DNAJA3: variants seen among roughly 807,000 people sequenced by gnomAD.
The protein encoded by DNAJA3 is dnaJ homolog subfamily A member 3, mitochondrial.
DNAJA3 carries 29 observed loss-of-function variants against 54.9 expected under a neutral mutation model. The ratio of observed to expected loss-of-function variants is 0.53; its 90% CI spans 0.39 to 0.72. The LOEUF is 0.72. Among genes scored for constraint, DNAJA3 ranks in the 30% least tolerant of loss-of-function variants. The pLI, the probability that DNAJA3 is intolerant of heterozygous loss-of-function variation, is 0.00. For missense variants in DNAJA3, 708 were observed against 639.4 expected, an observed-to-expected ratio of 1.11 and a Z score of -1.16; for synonymous variants, 302 against 251.4, an observed-to-expected ratio of 1.20 and a Z score of -1.90.
In DNAJA3 at chr16:4,455,754, A is replaced by T; in HGVS notation, c.*222A>T. 1.5e-6 allele frequency: 1 copy of T among 649,790 alleles called. No homozygotes were observed. The highest frequency in any genetic ancestry group is 1.9e-5 in the South Asian group (1 of 52,662). The allele number at this position is 649,790 out of a possible 1,614,324, so 40.3% of individuals were successfully genotyped here. A position where few individuals can be genotyped will look rare whatever the true frequency, so the allele number is the denominator to read the frequency against. ...CCCGGGCAGTAGGATGCAGCCCCAG[A>T]GGCTGGTGGCAGTTTCCTGTCCATT... On this transcript the variant is annotated 3_prime_UTR_variant, in exon 12 of 12. Coordinates refer to ENST00000262375, the MANE Select transcript of DNAJA3 (RefSeq NM_005147.6).
intron 3 of DNAJA3, 102 bp downstream of exon 3, chr16:4,437,587 T>G: frequency 3.3e-6 from 3 of 895,920 alleles, no homozygotes; most frequent in South Asian, 1.5e-5. Context: ...TACAGTCCAG[T>G]GTGAAGGCCA....
chr16:4,444,871 T>C, intron 7 of DNAJA3, 143 bp downstream of exon 7: 1 of 708,572 alleles, frequency 1.4e-6, no homozygotes, highest in South Asian at 1.9e-5. Flanking sequence ...GCCACCTAGA[T>C]GTGGTTTTTA....
intron 8 of DNAJA3, 162 bp downstream of exon 8, chr16:4,447,176 G>T: frequency 1.3e-6 from 1 of 769,962 alleles, no homozygotes; most frequent in Non-Finnish European, 2.0e-6. Flanking sequence ...CTTGAGTGTG[G>T]ACCACAAGCC....
chr16:4,455,175 G>C (rs1054970591), intron 11 of DNAJA3, among the ~76,000 whole-genome samples: 4 of 152,210 alleles, frequency 2.6e-5, no homozygotes, highest in African/African-American at 9.6e-5. Flanking sequence ...TCTTCTTCCT[G>C]GGGAGGTGGC....
Position 4,441,408 on chromosome 16 carries a change from G to A in DNAJA3, c.463G>A (p.Asp155Asn). The change falls in exon 4 of 12, where the codon GAT becomes AAT. Residue 155 changes from aspartate (D) to asparagine (N), a missense_variant. Coordinates refer to ENST00000262375, the MANE Select transcript of DNAJA3 (RefSeq NM_005147.6). Reference protein sequence around the residue: ...LSDEVKRKQYDAYGSAGFDPG... With the variant: ...LSDEVKRKQYNAYGSAGFDPG... ...TGATGAGGTGAAGAGGAAGCAGTAC[G>A]ATGCCTACGGCTCTGCAGGCTTCGA... 3.7e-6 allele frequency: 6 copies of A among 1,613,986 alleles called. No homozygotes were observed. The highest frequency in any genetic ancestry group is 4.2e-6 in the Non-Finnish European group (5 of 1,180,014).
intron 7 of DNAJA3, 91 bp downstream of exon 7, chr16:4,444,819 C>G: frequency 8.5e-7 from 1 of 1,182,048 alleles, no homozygotes. Flanking sequence ...CAAAGCTTCA[C>G]AGGAACATGT....
chr16:4,426,574 T>A (rs2056626223), intron 1 of DNAJA3, among the ~76,000 whole-genome samples: 1 of 152,232 alleles, frequency 6.6e-6, no homozygotes, highest in Non-Finnish European at 1.5e-5. Flanking sequence ...CTAGAAGAGT[T>A]GTCTCAAACC....
At chr16:4,446,836 T>G in intron 7 of DNAJA3, 50 bp from the exon 8 acceptor site, 3 of 1,604,212 alleles carry the variant, frequency 1.9e-6, no homozygotes, top group South Asian at 1.1e-5. Context: ...AGCTGGTGTT[T>G]AGTCTGCAGT....
chr16:4,443,540 C>T (rs2056864082), intron 6 of DNAJA3, among the ~76,000 whole-genome samples: 1 of 152,092 alleles, frequency 6.6e-6, no homozygotes, highest in African/African-American at 2.4e-5. Context: ...CTACATCAGC[C>T]CCACGGATCC....
chr16:4,443,242 G>T, intron 6 of DNAJA3, 78 bp downstream of exon 6: 1 of 1,564,794 alleles, frequency 6.4e-7, no homozygotes, highest in Non-Finnish European at 8.7e-7. Context: ...TGTGGAGAGG[G>T]TGGACAGGGC....
chr16:4,445,429 GTAT>G (rs544713428), intron 7 of DNAJA3, among the ~76,000 whole-genome samples: 28 of 152,352 alleles, frequency 1.8e-4, no homozygotes, highest in African/African-American at 6.7e-4. Flanking sequence ...ATGGCATTAT[GTAT>G]TATTTAGGGA....
intron 4 of DNAJA3, 110 bp downstream of exon 4, chr16:4,441,685 G>C (rs2056838780): frequency 8.4e-6 from 9 of 1,066,550 alleles, no homozygotes; most frequent in Non-Finnish European, 1.2e-5. Context: ...TAAATGGAGT[G>C]ATCTGGAGGC....
intron 8 of DNAJA3, 141 bp downstream of exon 8, chr16:4,447,155 T>C: frequency 2.0e-6 from 2 of 985,430 alleles, no homozygotes; most frequent in Non-Finnish European, 2.9e-6. Context: ...ATGAGGAATT[T>C]TAGGCTGCTC....
chr16:4,443,750 G>A (rs540548380), intron 6 of DNAJA3, among the ~76,000 whole-genome samples: 2 of 151,368 alleles, frequency 1.3e-5, no homozygotes, highest in Admixed American at 6.6e-5. Flanking sequence ...GCAGTGGCCC[G>A]ATCTCGGCCC....
At chr16:4,447,354 A>T (rs146918866) in intron 8 of DNAJA3, 3 of 236,658 alleles carry the variant, frequency 1.3e-5, no homozygotes, top group African/African-American at 4.5e-5. Context: ...AGAGCAGAAG[A>T]CTCGGGCGGT....
intron 2 of DNAJA3, among the ~76,000 whole-genome samples, chr16:4,436,943 A>C (rs1001777674): frequency 1.3e-5 from 2 of 152,118 alleles, no homozygotes; most frequent in African/African-American, 4.8e-5. Context: ...TCAAGTTAAG[A>C]GATGGATACA....
In DNAJA3 at chr16:4,446,994, T is replaced by TA; in HGVS notation, c.1106dup (p.Tyr369Ter). ...GGGTACAGCCAGAGCCCAGGGCCTG[T>TA]ACGAGACGATCAACGTGACGGTAAG... ...LGGTARAQGL[Y>*]ETINVTIPPG... Residue 369 changes from tyrosine to a stop codon, truncating the protein, a stop_gained and frameshift_variant, in exon 8 of 12, where the codon TAC (tyrosine) becomes TAAC (stop). Transcript: ENST00000262375. LOFTEE classifies it high-confidence loss of function. The TA allele has an allele frequency of 6.2e-7, 1 of 1,613,938 alleles. No homozygotes were observed. Among genetic ancestry groups the TA allele is most frequent in the Non-Finnish European group, 8.5e-7 (1 of 1,179,950 alleles).
At chr16:4,444,801 C>A in intron 7 of DNAJA3, 73 bp downstream of exon 7, 1 of 1,359,786 alleles carries the variant, frequency 7.4e-7, no homozygotes, top group Non-Finnish European at 1.0e-6. Context: ...AGGCTGCTCC[C>A]ATGTAATCAA....
At chr16:4,430,455 C>G (rs901824232) in intron 1 of DNAJA3, 1 of 150,550 alleles carries the variant, frequency 6.6e-6, no homozygotes, top group South Asian at 2.1e-4. Flanking sequence ...CCCAGCTACT[C>G]GGGAGGCTGA....
Sources: allele counts gnomAD v4.1 joint callset (sites outside exome capture counted in the v4.1 genomes callset), GRCh38; gene constraint gnomAD v4.1.1; transcripts MANE v1.5; gene names NCBI Gene and HGNC (gene_info 2026-07-23, HGNC 2026-07-21).